Variants in CNGB3 observed in about 807,000 individuals in gnomAD.
CNGB3 encodes cyclic nucleotide gated channel subunit beta 3, also known as cyclic nucleotide-gated channel beta-3.
CNGB3 carries 86 observed loss-of-function variants against 92.8 expected under a neutral mutation model. The observed-to-expected ratio is 0.93, with a 90% confidence interval of 0.78 to 1.11. The LOEUF (loss-of-function observed/expected upper bound fraction) is 1.11. Among genes scored for constraint, CNGB3 ranks in the 50% least tolerant of loss-of-function variants. The pLI, the probability that CNGB3 is intolerant of heterozygous loss-of-function variation, is 0.00. For missense variants in CNGB3, 1,026 were observed against 956.8 expected (o/e 1.07, Z -0.95); for synonymous variants, 333 against 332.7 (o/e 1.00, Z -0.01).
chr8:86,710,918 T>A (rs1009284317), intron 3 of CNGB3, among the ~76,000 whole-genome samples: 33 of 152,340 alleles, frequency 2.2e-4, no homozygotes, highest in African/African-American at 7.2e-4. Context: ...CCAGATTTTA[T>A]AATGAAATTA....
chr8:86,686,322 G>A (rs987579218), intron 3 of CNGB3, among the ~76,000 whole-genome samples: 8 of 148,548 alleles, frequency 5.4e-5, no homozygotes, highest in Admixed American at 3.4e-4. Context: ...GGAGCTCACC[G>A]TTCGATCTAT....
At chr8:86,719,696 C>G (rs189614623) in intron 3 of CNGB3, among the ~76,000 whole-genome samples, 2 of 152,186 alleles carry the variant, frequency 1.3e-5, no homozygotes, top group Admixed American at 1.3e-4. Context: ...CAAAGCAAGG[C>G]TAAACAAAAG....
chr8:86,741,632 C>A (rs1825342707), intron 1 of CNGB3, among the ~76,000 whole-genome samples: 1 of 151,868 alleles, frequency 6.6e-6, no homozygotes, highest in Non-Finnish European at 1.5e-5. Flanking sequence ...CACCACTGCA[C>A]TCCAGCCTGG....
intron 3 of CNGB3, among the ~76,000 whole-genome samples, chr8:86,683,450 A>G (rs1824121518): frequency 6.6e-6 from 1 of 152,226 alleles, no homozygotes; most frequent in Admixed American, 6.5e-5. Context: ...GTTAACAAAA[A>G]AGACTAAGGT....
intron 15 of CNGB3, among the ~76,000 whole-genome samples, chr8:86,591,870 A>T (rs926228329): frequency 6.6e-6 from 1 of 152,214 alleles, no homozygotes; most frequent in Admixed American, 6.5e-5. Context: ...GGCTCCACCC[A>T]GTTCGAGCTT....
At chr8:86,736,528 A>G (rs1371273863) in intron 2 of CNGB3, among the ~76,000 whole-genome samples, 1 of 152,134 alleles carries the variant, frequency 6.6e-6, no homozygotes, top group Non-Finnish European at 1.5e-5. Context: ...TTAAGGTTGT[A>G]TTTTTCTGTG....
intron 3 of CNGB3, among the ~76,000 whole-genome samples, chr8:86,678,556 T>C (rs971697680): frequency 1.3e-5 from 2 of 152,164 alleles, no homozygotes; most frequent in Non-Finnish European, 2.9e-5. Flanking sequence ...CTGCAATGCA[T>C]GTATGGTTCC....
chr8:86,694,974 G>A (rs543776510), intron 3 of CNGB3, among the ~76,000 whole-genome samples: 114 of 152,310 alleles, frequency 7.5e-4, no homozygotes, highest in African/African-American at 2.2e-3. Context: ...GTAGCGAGCC[G>A]AGATCACGCC....
At chr8:86,580,169 C>T (rs1821734397) in intron 15 of CNGB3, among the ~76,000 whole-genome samples, 1 of 121,062 alleles carries the variant, frequency 8.3e-6, no homozygotes, top group Admixed American at 9.6e-5. Flanking sequence ...TGGGAACTCA[C>T]TCATTATCAC....
At chr8:86,624,596 C>T (rs991058066) in intron 13 of CNGB3, among the ~76,000 whole-genome samples, 4 of 152,104 alleles carry the variant, frequency 2.6e-5, no homozygotes, top group East Asian at 1.9e-4. Context: ...CTCAGGGCAT[C>T]GTGTCATCCA....
intron 10 of CNGB3, 90 bp downstream of exon 10, chr8:86,643,661 G>A: frequency 7.0e-7 from 1 of 1,431,260 alleles, no homozygotes; most frequent in Non-Finnish European, 9.7e-7. Context: ...GGTTATGACA[G>A]CTTCAAAAAC....
chr8:86,652,954 T>C (rs981411244), intron 7 of CNGB3, among the ~76,000 whole-genome samples: 6 of 152,144 alleles, frequency 3.9e-5, no homozygotes, highest in African/African-American at 1.4e-4. Flanking sequence ...TACTATACTT[T>C]TATATGACTG....
chr8:86,742,701 C>G (rs1825363093), intron 1 of CNGB3, among the ~76,000 whole-genome samples: 1 of 152,128 alleles, frequency 6.6e-6, no homozygotes, highest in Non-Finnish European at 1.5e-5. Flanking sequence ...GTAAATATTG[C>G]TCTTGTAATG....
intron 2 of CNGB3, among the ~76,000 whole-genome samples, chr8:86,735,042 G>GGGTTTTTT (rs1554618958): frequency 1.2e-5 from 1 of 85,886 alleles, no homozygotes. Flanking sequence ...AATGCCGGTG[G>GGGTTTTTT]TTTTTTTTTT....
intron 3 of CNGB3, among the ~76,000 whole-genome samples, chr8:86,717,427 G>A (rs1471142141): frequency 6.6e-6 from 1 of 152,016 alleles, no homozygotes; most frequent in Non-Finnish European, 1.5e-5. Context: ...GCCAGGCGTG[G>A]TGGCGTGTGC....
At chr8:86,695,945 C>A (rs1321624747) in intron 3 of CNGB3, among the ~76,000 whole-genome samples, 1 of 152,082 alleles carries the variant, frequency 6.6e-6, no homozygotes, top group African/African-American at 2.4e-5. Flanking sequence ...AGTAGGGCTA[C>A]TGGGTGCCAG....
At chr8:86,717,440 G>A (rs1824876640) in intron 3 of CNGB3, among the ~76,000 whole-genome samples, 1 of 151,850 alleles carries the variant, frequency 6.6e-6, no homozygotes, top group Non-Finnish European at 1.5e-5. Flanking sequence ...GCGTGTGCCT[G>A]TAATCCCAGC....
intron 13 of CNGB3, among the ~76,000 whole-genome samples, chr8:86,621,563 C>T (rs1429801487): frequency 6.6e-6 from 1 of 151,948 alleles, no homozygotes. Flanking sequence ...GATTTTGGTG[C>T]ACCTGTCACC....
chr8:86,724,746 A>G (rs776163934), intron 3 of CNGB3, among the ~76,000 whole-genome samples: 2 of 152,080 alleles, frequency 1.3e-5, no homozygotes, highest in Non-Finnish European at 2.9e-5. Flanking sequence ...TTGTTATCTG[A>G]AGAATGAATA....
Sources: allele counts gnomAD v4.1 joint callset (sites outside exome capture counted in the v4.1 genomes callset), GRCh38; gene constraint gnomAD v4.1.1; transcripts MANE v1.5; gene names NCBI Gene and HGNC (gene_info 2026-07-23, HGNC 2026-07-21).